SPTBN4: variants seen among roughly 807,000 people sequenced by gnomAD.
SPTBN4 encodes the protein spectrin beta chain, non-erythrocytic 4.
SPTBN4 carries 96 observed loss-of-function variants against 277.8 expected under a neutral mutation model. The observed-to-expected ratio is 0.35, with a 90% CI of 0.29 to 0.41. The LOEUF is 0.41. Among genes scored for constraint, SPTBN4 ranks in the 10% least tolerant of loss-of-function variants. The pLI is 1.00. For missense variants in SPTBN4, 3,006 were observed against 3,595.7 expected, an observed-to-expected ratio of 0.84 and a Z score of 4.19; for synonymous variants, 1,481 against 1,580.3, an observed-to-expected ratio of 0.94 and a Z score of 1.49.
intron 2 of SPTBN4, among the ~76,000 whole-genome samples, chr19:40,485,331 A>G (rs772426833): frequency 6.6e-6 from 1 of 151,936 alleles, no homozygotes. Flanking sequence ...TTGTATTTTT[A>G]GAAGAGACAG....
At chr19:40,482,967 AT>A (rs1314140783) in intron 2 of SPTBN4, among the ~76,000 whole-genome samples, 2 of 151,762 alleles carry the variant, frequency 1.3e-5, no homozygotes, top group African/African-American at 4.8e-5. Context: ...TTTCAAAAAA[AT>A]AATAATAAAT....
chr19:40,540,102 T>A (rs566825464), intron 20 of SPTBN4, among the ~76,000 whole-genome samples: 23 of 151,718 alleles, frequency 1.5e-4, no homozygotes, highest in Non-Finnish European at 3.2e-4. Flanking sequence ...AATTTTTGTA[T>A]TTTTAGTAGA....
At chr19:40,503,366 C>T (rs1181519240) in intron 11 of SPTBN4, among the ~76,000 whole-genome samples, 1 of 151,700 alleles carries the variant, frequency 6.6e-6, no homozygotes, top group African/African-American at 2.4e-5. Context: ...AGAGATGTAA[C>T]AGGAGGGTGG....
rs1244286863 is a variant in SPTBN4 at position 40,565,603 on chromosome 19, A to T, written c.6054+42A>T. 4 of 1,589,912 alleles carry T rather than the reference A, an allele frequency of 2.5e-6. No homozygotes were observed. In the African/African-American group the frequency reaches 4.0e-5, roughly 16 times the overall value. On this transcript the variant is annotated intron_variant, in intron 28 of 35. Transcript: ENST00000598249. ...GGGTCCCCCTCTGCCACCCGGGCAC[A>T]TTGGGGTGGAAGCCATTCCACACCC...
chr19:40,495,577 G>A (rs1213928678), intron 6 of SPTBN4, among the ~76,000 whole-genome samples: 1 of 152,030 alleles, frequency 6.6e-6, no homozygotes. Flanking sequence ...GAACCCAGGA[G>A]GCGGAGGTTG....
chr19:40,481,673 G>A (rs1284971352), intron 2 of SPTBN4, among the ~76,000 whole-genome samples: 2 of 152,044 alleles, frequency 1.3e-5, no homozygotes, highest in South Asian at 2.1e-4. Context: ...ACGGGGTTTC[G>A]CCATGTTGGC....
intron 2 of SPTBN4, among the ~76,000 whole-genome samples, chr19:40,480,418 T>C (rs2079998038): frequency 7.0e-6 from 1 of 141,876 alleles, no homozygotes. Context: ...ATACCATCTC[T>C]AAAAAACAAA....
intron 20 of SPTBN4, among the ~76,000 whole-genome samples, chr19:40,535,947 G>A (rs1227938543): frequency 3.3e-5 from 5 of 152,124 alleles, no homozygotes; most frequent in East Asian, 3.9e-4. Flanking sequence ...GAGACAGAGC[G>A]AGACTCCATC....
chr19:40,498,252 G>A (rs963719551), intron 7 of SPTBN4, among the ~76,000 whole-genome samples: 1 of 152,012 alleles, frequency 6.6e-6, no homozygotes, highest in African/African-American at 2.4e-5. Flanking sequence ...AATTAAAGCT[G>A]CTCCCTTCCT....
rs181419658 is a variant in SPTBN4 at position 40,473,608 on chromosome 19, C to T, written c.169+818C>T. Among the ~76,000 whole-genome samples, 34 of 147,332 alleles carry T rather than the reference C, an allele frequency of 2.3e-4. No homozygotes were observed. The East Asian group carries it at 6.4e-3, about 28-fold the overall frequency. On this transcript the variant is annotated intron_variant, in intron 2 of 35. Transcript: ENST00000598249. ...CCAACCTCAGGTGATCCACATGTCT[C>T]GGCCTCCCAAAGTGCTGAGATTACA...
chr19:40,469,505 C>T lies in SPTBN4; in HGVS notation c.-16+2200C>T, dbSNP rs934260628. On this transcript the variant is annotated intron_variant, in intron 1 of 35. Transcript: ENST00000598249. ...GTCTTGAACTCCTGACCTCGTGATC[C>T]ACCCGCCTCAGACTCCCAAAGTGCT... Among the ~76,000 whole-genome samples the T allele has an allele frequency of 3.3e-5, 5 of 150,012 alleles. No individual in the cohort carries two copies. The Admixed American group carries it at 3.4e-4, about 10-fold the overall frequency.
chr19:40,513,462 C>T lies in SPTBN4; in HGVS notation c.2673C>T (p.His891=), dbSNP rs977115682. 6 of 1,603,158 alleles carry T rather than the reference C, an allele frequency of 3.7e-6. No individual in the cohort carries two copies. Among genetic ancestry groups the T allele is most frequent in the Non-Finnish European group, 5.1e-6 (6 of 1,178,918 alleles). Residue 891 remains histidine (H), a synonymous_variant, in exon 14 of 36, where the codon CAC becomes CAT. Coordinates refer to ENST00000598249, the MANE Select transcript of SPTBN4 (RefSeq NM_020971.3). ...LAVYRMFGEV[H]ACELWIGEKE... ...TCTACCGCATGTTTGGCGAGGTGCA[C>T]GCGTGTGAGCTGTGGATCGGCGAGA...
Position 40,567,872 on chromosome 19 carries a change from G to A in SPTBN4, c.6546G>A (p.Glu2182=), listed in dbSNP as rs2081111410. The A allele has an allele frequency of 2.0e-6, 3 of 1,525,520 alleles. No homozygotes were observed. In the South Asian group the frequency reaches 3.7e-5, roughly 19 times the overall value. The allele number at this position is 1,525,520 out of a possible 1,614,324, so 94.5% of individuals were successfully genotyped here. ...CTCGGGTGGGGTATGTGCGCCAGGA[G>A]CTCAAGCCCGAGCGCCTCCAGCCGC... The part of the protein sequence containing the change: ...VRTRVGYVRQ[E]LKPERLQPRI... Residue 2182 remains glutamate (E), a synonymous_variant, in exon 31 of 36, where the codon GAG becomes GAA. Coordinates refer to ENST00000598249, the MANE Select transcript of SPTBN4 (RefSeq NM_020971.3).
chr19:40,566,271 T>A lies in SPTBN4; in HGVS notation c.6248T>A (p.Val2083Glu). ...GAGCTGGGCAGCAGCGTGGATGAGG[T>A]GGAGCAGCTTATCCGGCGACATGAG... ...SRELGSSVDE[V>E]EQLIRRHEAF... The change falls in exon 30 of 36, where the codon GTG becomes GAG. Residue 2083 changes from valine (V) to glutamate (E), a missense_variant. Val to Glu is a moderately radical substitution (Grantham distance 121). Coordinates refer to ENST00000598249, the MANE Select transcript of SPTBN4 (RefSeq NM_020971.3). 1 of 1,582,578 alleles carries A rather than the reference T, an allele frequency of 6.3e-7. No homozygotes were observed. The highest frequency in any genetic ancestry group is 8.6e-7 in the Non-Finnish European group (1 of 1,164,636).
chr19:40,482,384 C>A (rs2080022306), intron 2 of SPTBN4, among the ~76,000 whole-genome samples: 1 of 152,000 alleles, frequency 6.6e-6, no homozygotes. Context: ...TTTTTCTATT[C>A]CTGATTACAG....
intron 2 of SPTBN4, among the ~76,000 whole-genome samples, chr19:40,482,685 G>T (rs1449765726): frequency 5.9e-5 from 9 of 152,196 alleles, no homozygotes; most frequent in Non-Finnish European, 1.3e-4. Context: ...TCAGAGGCTG[G>T]GCGCAGTGGC....
intron 18 of SPTBN4, among the ~76,000 whole-genome samples, chr19:40,531,487 T>G (rs1346551808): frequency 7.9e-5 from 10 of 126,638 alleles, no homozygotes; most frequent in East Asian, 2.2e-4. Context: ...TTTTTTTTTT[T>G]TTTTTTTTTT....
chr19:40,487,875 G>C (rs535931725), intron 3 of SPTBN4, 27 bp downstream of exon 3: 6 of 1,571,316 alleles, frequency 3.8e-6, no homozygotes, highest in Non-Finnish European at 5.2e-6. Flanking sequence ...GGCTGGGGCA[G>C]GGGTCCTCCC....
In SPTBN4 at chr19:40,539,925, C is replaced by G. The variant is rs567308903; in HGVS notation, c.4359+5582C>G. Reference sequence around the variant, plus strand: ...TAAGATTCAGTATTTATTCACAGGTCTTTAATTTTTTTTTTTTTAGACCAA... The same window carrying G: ...TAAGATTCAGTATTTATTCACAGGTGTTTAATTTTTTTTTTTTTAGACCAA... On this transcript the variant is annotated intron_variant, in intron 20 of 35. Coordinates refer to ENST00000598249, the MANE Select transcript of SPTBN4 (RefSeq NM_020971.3). Among the ~76,000 whole-genome samples the G allele has an allele frequency of 2.8e-3, 366 of 129,812 alleles. 1 individual carries two copies. The highest frequency in any genetic ancestry group is 0.01 in the African/African-American group (349 of 33,942). 85.2% of individuals were successfully genotyped at this position (129,812 alleles called of 152,430 possible).
Sources: allele counts gnomAD v4.1 joint callset (sites outside exome capture counted in the v4.1 genomes callset), GRCh38; gene constraint gnomAD v4.1.1; transcripts MANE v1.5; gene names NCBI Gene and HGNC (gene_info 2026-07-23, HGNC 2026-07-21).